The following LRP1B variants were observed in gnomAD, a reference collection of about 807,000 sequenced individuals.
LRP1B encodes the protein low-density lipoprotein receptor-related protein 1B.
A neutral mutation model predicts 556.6 loss-of-function variants in LRP1B; 217 were observed. The observed-to-expected ratio is 0.39, with a 90% CI of 0.35 to 0.44. LRP1B has a LOEUF of 0.44. LRP1B is among the 20% of genes least tolerant of loss of function. The probability of loss-of-function intolerance (pLI) is 1.00; values close to 1 mark genes in which losing one functional copy is unlikely to be tolerated. For missense variants in LRP1B, 5,053 were observed against 5,620.8 expected (o/e 0.90, Z 3.23); for synonymous variants, 2,047 against 1,865.8 (o/e 1.10, Z -2.50).
chr2:140,328,997 T>TTCTTAGAAATTGCTGCAATC (rs1478628309), intron 79 of LRP1B, among the ~76,000 whole-genome samples: 2 of 152,090 alleles, frequency 1.3e-5, no homozygotes, highest in African/African-American at 4.8e-5. Flanking sequence ...GTTATTTATT[T>TTCTTAGAAATTGCTGCAATC]TCTTAGAAAT....
intron 32 of LRP1B, among the ~76,000 whole-genome samples, chr2:140,789,086 G>A (rs1425490661): frequency 6.6e-6 from 1 of 152,034 alleles, no homozygotes; most frequent in Non-Finnish European, 1.5e-5. Flanking sequence ...TCTGTTATGG[G>A]CCCTAGGAGA....
At chr2:142,087,415 T>C (rs1375571963) in intron 1 of LRP1B, among the ~76,000 whole-genome samples, 1 of 151,948 alleles carries the variant, frequency 6.6e-6, no homozygotes, top group Admixed American at 6.6e-5. Context: ...TATTCAGGAT[T>C]ATTTACATGA....
chr2:141,048,944 C>T lies in LRP1B; in HGVS notation c.1789+42G>A, dbSNP rs926469436. The stretch of plus-strand genomic sequence containing the variant: ...CTGGATTTATCCTTTTAAAGTGCTT[C>T]ATCTCTGGGTAGTTTGATGTTAATG... On this transcript the variant is annotated intron_variant, in intron 11 of 90. Transcript: ENST00000389484. 3 of 1,426,326 alleles carry T rather than the reference C, an allele frequency of 2.1e-6. No individual in the cohort carries two copies. The Admixed American group carries it at 5.0e-5, about 24-fold the overall frequency. 88.4% of individuals were successfully genotyped at this position (1,426,326 alleles called of 1,614,324 possible).
At position 141,803,364 on chromosome 2, in the gene LRP1B, CT is replaced by C. The variant is rs142494488; in HGVS notation, c.205+6914del. Among the ~76,000 whole-genome samples, 1,064 of 151,956 alleles carry C rather than the reference CT, an allele frequency of 7.0e-3. 12 individuals carry two copies. The highest frequency in any genetic ancestry group is 0.011 in the Non-Finnish European group (771 of 67,956). ...TAGGCCCTTTCAATTCACAATTACA[CT>C]GATCCCCACCTTCCTATCCCCCCTG... On this transcript the variant is annotated intron_variant, in intron 2 of 90. Transcript: ENST00000389484.
chr2:140,858,524 GAGA>G (rs1396585456), intron 27 of LRP1B, among the ~76,000 whole-genome samples: 4 of 149,230 alleles, frequency 2.7e-5, no homozygotes, highest in African/African-American at 1.0e-4. Context: ...GAGAGAGAGA[GAGA>G]GAAAGGAAAG....
intron 1 of LRP1B, among the ~76,000 whole-genome samples, chr2:141,901,628 AAC>A (rs1432304091): frequency 1.3e-5 from 2 of 151,894 alleles, no homozygotes; most frequent in Non-Finnish European, 2.9e-5. Flanking sequence ...ATGAAGTCTC[AAC>A]ACTTCAAGAT....
At chr2:141,099,039 A>C (rs1374094628) in intron 7 of LRP1B, among the ~76,000 whole-genome samples, 2 of 152,212 alleles carry the variant, frequency 1.3e-5, no homozygotes, top group Admixed American at 1.3e-4. Context: ...ATTTGACTGC[A>C]GGTAAAAGCA....
chr2:140,668,308 TCAAAAAAAAA>T (rs1685354527), intron 41 of LRP1B, among the ~76,000 whole-genome samples: 2 of 42,774 alleles, frequency 4.7e-5, no homozygotes, highest in Non-Finnish European at 7.7e-5. Flanking sequence ...AGACTCCGTC[TCAAAAAAAAA>T]AAAAAAAAAA....
At chr2:141,242,548 T>C (rs766184850) in intron 5 of LRP1B, among the ~76,000 whole-genome samples, 39 of 152,064 alleles carry the variant, frequency 2.6e-4, no homozygotes, top group Non-Finnish European at 5.4e-4. Flanking sequence ...CTTCTGTTTG[T>C]TTTTTTCTCT....
intron 41 of LRP1B, among the ~76,000 whole-genome samples, chr2:140,690,695 T>G (rs1337005283): frequency 6.6e-6 from 1 of 152,186 alleles, no homozygotes; most frequent in Non-Finnish European, 1.5e-5. Flanking sequence ...CAGGTTCTAC[T>G]CTCCATAATC....
chr2:140,509,353 T>C (rs1689556336), intron 52 of LRP1B, among the ~76,000 whole-genome samples: 1 of 152,144 alleles, frequency 6.6e-6, no homozygotes, highest in Non-Finnish European at 1.5e-5. Flanking sequence ...CCCTGAAAAT[T>C]TCCTGAGGTG....
intron 1 of LRP1B, among the ~76,000 whole-genome samples, chr2:141,973,793 C>CATTG (rs1296216670): frequency 3.4e-4 from 1 of 2,924 alleles, no homozygotes; most frequent in Non-Finnish European, 2.0e-3. Flanking sequence ...TAAACAAAAT[C>CATTG]ATAGATAATG....
At chr2:141,488,226 GC>G (rs1275149476) in intron 2 of LRP1B, among the ~76,000 whole-genome samples, 1 of 151,910 alleles carries the variant, frequency 6.6e-6, no homozygotes, top group Non-Finnish European at 1.5e-5. Context: ...GCATAATGTA[GC>G]AATAAAAACA....
At chr2:141,810,174 A>G (rs1003602030) in intron 2 of LRP1B, 105 bp downstream of exon 2, 8 of 922,558 alleles carry the variant, frequency 8.7e-6, no homozygotes, top group African/African-American at 5.3e-5. Flanking sequence ...AGAAGGAAAG[A>G]AAGAAAGAAA....
At chr2:140,355,859 T>G (rs1682186518) in intron 75 of LRP1B, among the ~76,000 whole-genome samples, 2 of 151,880 alleles carry the variant, frequency 1.3e-5, no homozygotes, top group South Asian at 4.1e-4. Flanking sequence ...GTTGACAGAT[T>G]TATGTAGATC....
intron 3 of LRP1B, among the ~76,000 whole-genome samples, chr2:141,255,875 G>A (rs536270545): frequency 6.6e-6 from 1 of 151,944 alleles, no homozygotes; most frequent in East Asian, 1.9e-4. Context: ...TATCACTTCA[G>A]CAGTGCTACA....
chr2:141,480,622 A>G, intron 2 of LRP1B, 89 bp from the exon 3 acceptor site: 1 of 1,243,426 alleles, frequency 8.0e-7, no homozygotes, highest in Non-Finnish European at 1.2e-6. Flanking sequence ...GCATTGTTTT[A>G]CAAAACAAAA....
chr2:140,510,925 T>C (rs1243535931), intron 51 of LRP1B, among the ~76,000 whole-genome samples: 2 of 152,052 alleles, frequency 1.3e-5, no homozygotes, highest in East Asian at 1.9e-4. Context: ...TTACATACAA[T>C]GAATGTTTTG....
chr2:141,193,811 T>C (rs1681630045), intron 6 of LRP1B, among the ~76,000 whole-genome samples: 2 of 152,046 alleles, frequency 1.3e-5, no homozygotes, highest in African/African-American at 4.8e-5. Context: ...TTGTTGTTTG[T>C]CTTTTTTATG....
Sources: gnomAD v4.1 joint callset for allele counts (sites outside exome capture counted in the v4.1 genomes callset) on GRCh38, gnomAD v4.1.1 for gene constraint, MANE v1.5 for transcripts, NCBI Gene and HGNC (gene_info 2026-07-23, HGNC 2026-07-21) for gene names.